ATP2B2: variants seen among roughly 807,000 people sequenced by gnomAD.
The protein encoded by ATP2B2 is plasma membrane calcium-transporting ATPase 2.
A neutral mutation model predicts 120.0 loss-of-function variants in ATP2B2; 15 were observed. The ratio of observed to expected loss-of-function variants is 0.12; its 90% CI spans 0.08 to 0.19. ATP2B2 has a LOEUF of 0.19. Among genes scored for constraint, ATP2B2 ranks in the 10% least tolerant of loss-of-function variants. The probability of loss-of-function intolerance (pLI) is 1.00; values close to 1 mark genes in which losing one functional copy is unlikely to be tolerated. For missense variants in ATP2B2, 1,045 were observed against 1,719.8 expected (o/e 0.61, Z 6.94); for synonymous variants, 694 against 700.3 (o/e 0.99, Z 0.14).
At chr3:10,541,034 T>C (rs1436068049) in intron 2 of ATP2B2, among the ~76,000 whole-genome samples, 1 of 152,122 alleles carries the variant, frequency 6.6e-6, no homozygotes, top group Non-Finnish European at 1.5e-5. Flanking sequence ...TACTAGGTTG[T>C]TAAATTTATA....
intron 1 of ATP2B2, among the ~76,000 whole-genome samples, chr3:10,495,457 G>T (rs1387642632): frequency 6.6e-6 from 1 of 152,220 alleles, no homozygotes; most frequent in Non-Finnish European, 1.5e-5. Flanking sequence ...AGTCGCAGTG[G>T]TGAGAGTAAA....
At chr3:10,616,958 T>G (rs2069406299) in intron 2 of ATP2B2, among the ~76,000 whole-genome samples, 2 of 152,236 alleles carry the variant, frequency 1.3e-5, no homozygotes, top group South Asian at 4.1e-4. Context: ...GCAAATTGCC[T>G]TTTCACTTAA....
chr3:10,585,493 G>GAAAAAAAAAAAA (rs60670471), intron 2 of ATP2B2, among the ~76,000 whole-genome samples: 747 of 28,490 alleles, frequency 0.026, 114 homozygotes, highest in East Asian at 0.036. Context: ...GACTCCGTCT[G>GAAAAAAAAAAAA]AAAAAAAAAA....
intron 1 of ATP2B2, among the ~76,000 whole-genome samples, chr3:10,646,850 C>T (rs1272193409): frequency 6.6e-6 from 1 of 152,192 alleles, no homozygotes; most frequent in Non-Finnish European, 1.5e-5. Context: ...AGATAAGGCA[C>T]CCCTGCCTAC....
intron 16 of ATP2B2, among the ~76,000 whole-genome samples, chr3:10,348,306 T>C (rs959310096): frequency 3.9e-5 from 6 of 152,038 alleles, no homozygotes; most frequent in African/African-American, 1.4e-4. Flanking sequence ...GTGTCACCAC[T>C]GTGGGCAGGT....
intron 2 of ATP2B2, among the ~76,000 whole-genome samples, chr3:10,577,635 G>C (rs2068284319): frequency 6.6e-6 from 1 of 152,212 alleles, no homozygotes; most frequent in Non-Finnish European, 1.5e-5. Context: ...ACCCCTGGGA[G>C]GGGGACTCAG....
In ATP2B2 at chr3:10,328,539, G is replaced by GGTCGCCGTATCATTAAAAAATT; in HGVS notation, c.*274_*275insAATTTTTTAATGATACGGCGAC. ...GTGCATGGCTGGTCCATGTCTGGGT[G>GGTCGCCGTATCATTAAAAAATT]GGAGCCAGGAAGGGCTTGTTTTGGG... On this transcript the variant is annotated 3_prime_UTR_variant, in exon 23 of 23. Transcript: ENST00000360273. 1 of 474,100 alleles carries GGTCGCCGTATCATTAAAAAATT rather than the reference G, an allele frequency of 2.1e-6. No homozygotes were observed. Among genetic ancestry groups the GGTCGCCGTATCATTAAAAAATT allele is most frequent in the Non-Finnish European group, 3.8e-6 (1 of 264,990 alleles). The allele number at this position is 474,100 out of a possible 1,614,324, so 29.4% of individuals were successfully genotyped here.
At chr3:10,417,072 G>A (rs11713330) in intron 2 of ATP2B2, among the ~76,000 whole-genome samples, 1 of 138,940 alleles carries the variant, frequency 7.2e-6, no homozygotes, top group Non-Finnish European at 1.5e-5. Context: ...ACGGCGGCGG[G>A]GGGGGGCGGG....
At chr3:10,356,147 C>CGTGTGT (rs773018694) in intron 14 of ATP2B2, among the ~76,000 whole-genome samples, 1 of 45,698 alleles carries the variant, frequency 2.2e-5, no homozygotes, top group African/African-American at 6.2e-5. Flanking sequence ...TTCCTTTGTG[C>CGTGTGT]GTGTGTGCGT....
chr3:10,651,337 T>C (rs28787989), intron 1 of ATP2B2, among the ~76,000 whole-genome samples: 43,112 of 152,090 alleles, frequency 0.28, 9,897 homozygotes, highest in African/African-American at 0.63. Context: ...TGAGAGGTAA[T>C]TGAATCATGG....
intron 2 of ATP2B2, among the ~76,000 whole-genome samples, chr3:10,601,789 G>A (rs574559597): frequency 6.6e-6 from 1 of 152,294 alleles, no homozygotes; most frequent in South Asian, 2.1e-4. Context: ...TTAGAACTTG[G>A]GCAGGGCCCA....
chr3:10,663,532 A>G (rs2070844566), intron 1 of ATP2B2, among the ~76,000 whole-genome samples: 1 of 152,144 alleles, frequency 6.6e-6, no homozygotes, highest in Non-Finnish European at 1.5e-5. Flanking sequence ...ACCCATACCC[A>G]CCAGTCACTT....
intron 13 of ATP2B2, among the ~76,000 whole-genome samples, chr3:10,359,599 T>C (rs988066805): frequency 6.6e-6 from 1 of 152,198 alleles, no homozygotes; most frequent in Admixed American, 6.5e-5. Flanking sequence ...AACTTCCTGA[T>C]GAACCAGCGG....
intron 22 of ATP2B2, among the ~76,000 whole-genome samples, chr3:10,334,202 T>C (rs1054873728): frequency 2.2e-4 from 33 of 152,160 alleles, no homozygotes; most frequent in Admixed American, 1.1e-3. Context: ...CAGGGTGAAG[T>C]GCTGCCCTTC....
chr3:10,409,629 T>C (rs1284197401), intron 3 of ATP2B2, among the ~76,000 whole-genome samples: 1 of 152,216 alleles, frequency 6.6e-6, no homozygotes, highest in Non-Finnish European at 1.5e-5. Flanking sequence ...AATCAACTTA[T>C]TATGTGTAAA....
At chr3:10,591,903 G>A (rs1200005649) in intron 2 of ATP2B2, among the ~76,000 whole-genome samples, 1 of 152,174 alleles carries the variant, frequency 6.6e-6, no homozygotes, top group Non-Finnish European at 1.5e-5. Context: ...GCAGACCACA[G>A]GGACTGAGAC....
At chr3:10,421,072 C>A (rs973841847) in intron 2 of ATP2B2, among the ~76,000 whole-genome samples, 2 of 152,186 alleles carry the variant, frequency 1.3e-5, no homozygotes, top group Non-Finnish European at 2.9e-5. Context: ...TACTGAGTCA[C>A]ACACTCTTGG....
At chr3:10,380,722 C>G (rs7627223) in intron 8 of ATP2B2, among the ~76,000 whole-genome samples, 112,816 of 152,156 alleles carry the variant, frequency 0.74, 43,642 homozygotes, top group East Asian at 1. Context: ...GGCACTGCTG[C>G]GACAGGGTTC....
At chr3:10,606,388 A>T (rs939335180) in intron 2 of ATP2B2, among the ~76,000 whole-genome samples, 1 of 152,188 alleles carries the variant, frequency 6.6e-6, no homozygotes, top group Admixed American at 6.5e-5. Context: ...GACTCTTAGC[A>T]GAGTCCTTGG....
Sources: allele counts gnomAD v4.1 joint callset (sites outside exome capture counted in the v4.1 genomes callset), GRCh38; gene constraint gnomAD v4.1.1; transcripts MANE v1.5; gene names NCBI Gene and HGNC (gene_info 2026-07-23, HGNC 2026-07-21).